Variants in VPS13A observed in about 807,000 individuals in gnomAD.
VPS13A encodes vacuolar protein sorting 13 homolog A, also known as intermembrane lipid transfer protein VPS13A.
Under a neutral mutation model 390.9 loss-of-function variants are expected in VPS13A, and 264 were observed. The ratio of observed to expected loss-of-function variants is 0.68; its 90% CI spans 0.61 to 0.75. The LOEUF is 0.75. VPS13A is among the 30% of genes least tolerant of loss of function. The pLI, the probability that VPS13A is intolerant of heterozygous loss-of-function variation, is 0.00. For synonymous variants in VPS13A, 1,231 were observed against 1,227.1 expected, an observed-to-expected ratio of 1.00 and a Z score of -0.07; for missense variants, 3,409 against 3,733.9, an observed-to-expected ratio of 0.91 and a Z score of 2.27.
Position 77,339,738 on chromosome 9 carries a change from A to G in VPS13A, c.6601A>G (p.Thr2201Ala). The G allele has an allele frequency of 6.2e-7, 1 of 1,614,098 alleles. No individual in the cohort carries two copies. Among genetic ancestry groups the G allele is most frequent in the Non-Finnish European group, 8.5e-7 (1 of 1,179,980 alleles). The change falls in exon 48 of 72, where the codon ACT becomes GCT. Residue 2201 changes from threonine (T) to alanine (A), a missense_variant. Thr to Ala is a moderately conservative substitution (Grantham distance 58, BLOSUM62 0). Around this residue, in one of 5 missense-constraint regions of VPS13A, gnomAD observed 2,717 missense variants for 2,917.4 expected, o/e 0.93. Coordinates refer to ENST00000360280, the MANE Select transcript of VPS13A (RefSeq NM_033305.3). ...TGATTTAGATATTGCTGTCCATATG[A>G]CTTACAATACTGGTCAGACAGTTGT... Reference protein sequence around the residue: ...KTDLDIAVHMTYNTGQTVVAF... With the variant: ...KTDLDIAVHMAYNTGQTVVAF...
chr9:77,235,082 C>T (rs1587386451), intron 17 of VPS13A, among the ~76,000 whole-genome samples: 1 of 152,114 alleles, frequency 6.6e-6, no homozygotes, highest in Admixed American at 6.5e-5. Flanking sequence ...GAGTTAAAAA[C>T]CAAAAATGCA....
At chr9:77,292,286 C>A (rs1827718028) in intron 31 of VPS13A, among the ~76,000 whole-genome samples, 1 of 152,142 alleles carries the variant, frequency 6.6e-6, no homozygotes, top group South Asian at 2.1e-4. Flanking sequence ...CTGAATTATT[C>A]TTACCTATAT....
At chr9:77,221,423 T>G (rs981392340) in intron 13 of VPS13A, 67 bp downstream of exon 13, 1 of 1,527,758 alleles carries the variant, frequency 6.5e-7, no homozygotes, top group Non-Finnish European at 9.0e-7. Context: ...CTTCAGTGAC[T>G]GATACTCCCT....
intron 67 of VPS13A, among the ~76,000 whole-genome samples, chr9:77,372,576 A>C (rs1832836780): frequency 6.6e-6 from 1 of 152,140 alleles, no homozygotes; most frequent in African/African-American, 2.4e-5. Context: ...AACTGGCACA[A>C]GACAGGGATG....
At chr9:77,286,283 CG>C (rs1564696162) in intron 31 of VPS13A, among the ~76,000 whole-genome samples, 2 of 152,052 alleles carry the variant, frequency 1.3e-5, no homozygotes, top group African/African-American at 4.8e-5. Flanking sequence ...GATGGGACAT[CG>C]GGGAGGCAAC....
intron 5 of VPS13A, among the ~76,000 whole-genome samples, chr9:77,207,230 T>TAC (rs1825698518): frequency 1.0e-4 from 10 of 95,836 alleles, no homozygotes; most frequent in Non-Finnish European, 2.0e-4. Flanking sequence ...TATATATATA[T>TAC]ATATATATAT....
chr9:77,357,908 C>A, intron 56 of VPS13A, 70 bp downstream of exon 56: 1 of 1,386,034 alleles, frequency 7.2e-7, no homozygotes, highest in Non-Finnish European at 1.0e-6. Context: ...GATCTATTCC[C>A]ATGGTCTGCT....
chr9:77,239,902 G>T, intron 19 of VPS13A, among the ~76,000 whole-genome samples: 1 of 151,450 alleles, frequency 6.6e-6, no homozygotes, highest in Non-Finnish European at 1.5e-5. Flanking sequence ...ATACATTTTT[G>T]TAAAAATATA....
chr9:77,301,263 TAGA>T (rs1469665687), intron 33 of VPS13A, among the ~76,000 whole-genome samples: 1 of 152,184 alleles, frequency 6.6e-6, no homozygotes, highest in Non-Finnish European at 1.5e-5. Context: ...ATTTTAATCA[TAGA>T]AGGTTAATTA....
At chr9:77,340,759 G>T in intron 50 of VPS13A, 1 of 555,484 alleles carries the variant, frequency 1.8e-6, no homozygotes, top group Admixed American at 3.2e-5. Context: ...TGCCCAGCTT[G>T]TTAAGGGAGG....
chr9:77,401,067 A>G (rs1834369122), intron 68 of VPS13A, among the ~76,000 whole-genome samples: 1 of 152,110 alleles, frequency 6.6e-6, no homozygotes, highest in African/African-American at 2.4e-5. Flanking sequence ...ATAATGTCGT[A>G]TATGCATAGT....
At chr9:77,284,796 T>G (rs1827238829) in intron 31 of VPS13A, among the ~76,000 whole-genome samples, 1 of 151,990 alleles carries the variant, frequency 6.6e-6, no homozygotes. Flanking sequence ...CTCCACCTCC[T>G]GGGTTTCAGT....
chr9:77,382,749 C>G lies in VPS13A; in HGVS notation c.9189+662C>G, dbSNP rs111608948. 6.7e-5 allele frequency: 66 copies of G among 985,888 alleles called. No individual in the cohort carries two copies. The African/African-American group carries it at 9.4e-4, about 14-fold the overall frequency. The allele number at this position is 985,888 out of a possible 1,614,324, so 61.1% of individuals were successfully genotyped here. A position where few individuals can be genotyped will look rare whatever the true frequency, so the allele number is the denominator to read the frequency against. Reference sequence around the variant, plus strand: ...TCTTCCTGCTTTATTCTAGTGTAGTCTTTATAAAACTTGTGGGATTTGATA... The same window carrying G: ...TCTTCCTGCTTTATTCTAGTGTAGTGTTTATAAAACTTGTGGGATTTGATA... On this transcript the variant is annotated intron_variant, in intron 68 of 71. Transcript: ENST00000360280.
chr9:77,228,208 T>C lies in VPS13A; in HGVS notation c.1539T>C (p.Ile513=). 1.9e-6 allele frequency: 3 copies of C among 1,604,058 alleles called. No individual in the cohort carries two copies. Among genetic ancestry groups the C allele is most frequent in the Non-Finnish European group, 2.6e-6 (3 of 1,174,866 alleles). The part of the protein sequence containing the change: ...ENHQKPELVD[I]VIEEFSTLIV... ...ATCAAAAACCTGAGCTGGTAGATAT[T>C]GTAATAGAAGAATTTAGCACCTTAA... Residue 513 remains isoleucine (I), a synonymous_variant, in exon 17 of 72, where the codon ATT becomes ATC. Coordinates refer to ENST00000360280, the MANE Select transcript of VPS13A (RefSeq NM_033305.3).
At chr9:77,235,749 A>G (rs1411988845) in intron 17 of VPS13A, among the ~76,000 whole-genome samples, 1 of 152,030 alleles carries the variant, frequency 6.6e-6, no homozygotes, top group Admixed American at 6.6e-5. Flanking sequence ...TGCTCCACAG[A>G]CTCAATAATT....
chr9:77,187,219 T>C (rs1363963758), intron 1 of VPS13A, among the ~76,000 whole-genome samples: 1 of 152,208 alleles, frequency 6.6e-6, no homozygotes, highest in Non-Finnish European at 1.5e-5. Context: ...GTTCAGTCTG[T>C]GCTGTCAGAT....
intron 23 of VPS13A, among the ~76,000 whole-genome samples, chr9:77,270,655 C>T (rs1826296297): frequency 6.6e-6 from 1 of 152,074 alleles, no homozygotes; most frequent in African/African-American, 2.4e-5. Context: ...TGTGCCACTA[C>T]ACTCCAGCCT....
At chr9:77,305,008 A>G (rs1484852796) in intron 34 of VPS13A, among the ~76,000 whole-genome samples, 2 of 149,126 alleles carry the variant, frequency 1.3e-5, no homozygotes, top group Non-Finnish European at 1.5e-5. Context: ...GTGCAATCTC[A>G]GCTCACTGCA....
intron 47 of VPS13A, 182 bp downstream of exon 47, chr9:77,337,719 A>G (rs1830609985): frequency 1.6e-6 from 1 of 609,050 alleles, no homozygotes; most frequent in Non-Finnish European, 2.7e-6. Context: ...ACATTTAAGA[A>G]CTAGACTTCA....
Sources: gnomAD v4.1 joint callset for allele counts (sites outside exome capture counted in the v4.1 genomes callset) on GRCh38, gnomAD v4.1.1 for gene constraint, gnomAD v4.1.1 regional missense constraint, MANE v1.5 for transcripts, NCBI Gene and HGNC (gene_info 2026-07-23, HGNC 2026-07-21) for gene names.